Variants in CPA6 observed in about 807,000 individuals in gnomAD.
The protein encoded by CPA6 is carboxypeptidase B.
A neutral mutation model predicts 63.3 loss-of-function variants in CPA6; 58 were observed. The ratio of observed to expected loss-of-function variants is 0.92; its 90% CI spans 0.74 to 1.14. The LOEUF is 1.14. Ranked by LOEUF, CPA6 falls within the 50% of genes most tolerant of loss-of-function variation. The pLI is 0.00. For synonymous variants in CPA6, 185 were observed against 179.0 expected, an observed-to-expected ratio of 1.03 and a Z score of -0.27; for missense variants, 565 against 526.6, an observed-to-expected ratio of 1.07 and a Z score of -0.71.
chr8:67,694,127 G>A (rs1046467633), intron 1 of CPA6, among the ~76,000 whole-genome samples: 1 of 152,188 alleles, frequency 6.6e-6, no homozygotes, highest in African/African-American at 2.4e-5. Context: ...CTAGTTTTGA[G>A]TGGGGCCCAG....
intron 1 of CPA6, among the ~76,000 whole-genome samples, chr8:67,728,912 C>T (rs897925669): frequency 2.6e-5 from 4 of 152,190 alleles, no homozygotes; most frequent in African/African-American, 4.8e-5. Context: ...GTGACCCCAG[C>T]AGATCATAAA....
chr8:67,436,750 T>A (rs1810165070), intron 8 of CPA6, among the ~76,000 whole-genome samples: 3 of 152,150 alleles, frequency 2.0e-5, no homozygotes, highest in Admixed American at 2.0e-4. Context: ...ACTGTAACAA[T>A]CACAAAGTAT....
intron 2 of CPA6, among the ~76,000 whole-genome samples, chr8:67,593,684 T>C (rs945353475): frequency 1.3e-5 from 2 of 151,910 alleles, no homozygotes; most frequent in African/African-American, 2.4e-5. Context: ...TAAAGTCTGT[T>C]TTATCAGAGA....
At position 67,677,034 on chromosome 8, in the gene CPA6, G is replaced by C. The variant is rs1050650499; in HGVS notation, c.117-52783C>G. On this transcript the variant is annotated intron_variant, in intron 1 of 10. Coordinates refer to ENST00000297770, the MANE Select transcript of CPA6 (RefSeq NM_020361.5). ...TGCATGCTAGCAGGACTACTGCCCC[G>C]AACTGTGCTGCACAACGCCAGGGAC... 5.3e-5 allele frequency among the ~76,000 whole-genome samples: 8 copies of C among 152,106 alleles called. No individual in the cohort carries two copies. In the South Asian group the frequency reaches 1.5e-3, roughly 28 times the overall value.
At chr8:67,459,850 G>A (rs1335309885) in intron 8 of CPA6, among the ~76,000 whole-genome samples, 1 of 152,212 alleles carries the variant, frequency 6.6e-6, no homozygotes, top group Admixed American at 6.5e-5. Flanking sequence ...TGATGTGTTA[G>A]TATAGGTTTT....
chr8:67,578,467 C>A (rs552518387), intron 2 of CPA6, among the ~76,000 whole-genome samples: 5 of 152,122 alleles, frequency 3.3e-5, no homozygotes, highest in Non-Finnish European at 7.4e-5. Context: ...AATAGTGTAT[C>A]TTATAGAGAC....
In CPA6 at chr8:67,483,722, C is replaced by T. The variant is rs202042612; in HGVS notation, c.838+46G>A. 74 of 1,510,630 alleles carry T rather than the reference C, an allele frequency of 4.9e-5. 1 individual carries two copies. The highest frequency in any genetic ancestry group is 3.5e-4 in the Admixed American group (21 of 59,902). 93.6% of individuals were successfully genotyped at this position (1,510,630 alleles called of 1,614,324 possible). Reference sequence around the variant, plus strand: ...TGGACTCATATTTTGCAGAGTAAAACCTGCAGAAACCTTTGGATCTGGATC... The same window carrying T: ...TGGACTCATATTTTGCAGAGTAAAATCTGCAGAAACCTTTGGATCTGGATC... On this transcript the variant is annotated intron_variant, in intron 8 of 10. Transcript: ENST00000297770.
At chr8:67,614,490 A>C (rs1814891687) in intron 2 of CPA6, among the ~76,000 whole-genome samples, 1 of 152,206 alleles carries the variant, frequency 6.6e-6, no homozygotes, top group South Asian at 2.1e-4. Context: ...GGATGCCACA[A>C]GTAGCCCCCT....
At chr8:67,478,935 C>T (rs572831528) in intron 8 of CPA6, among the ~76,000 whole-genome samples, 5 of 152,232 alleles carry the variant, frequency 3.3e-5, no homozygotes, top group East Asian at 3.9e-4. Flanking sequence ...GCAGGACAAT[C>T]GCTTGAACCC....
rs113867986 is a variant in CPA6, at chr8:67,642,186, C to T, written c.117-17935G>A. On this transcript the variant is annotated intron_variant, in intron 1 of 10. Transcript: ENST00000297770. ...TACAAGAATTAGCTGGGTATGGTGGCGGGCGCCTGTAATCCCAGCTATTTG... is the reference window on the plus strand; with the variant it reads ...TACAAGAATTAGCTGGGTATGGTGGTGGGCGCCTGTAATCCCAGCTATTTG... 6.1e-3 allele frequency among the ~76,000 whole-genome samples: 931 copies of T among 152,090 alleles called. 10 individuals carry two copies. Among genetic ancestry groups the T allele is most frequent in the African/African-American group, 0.02 (841 of 41,462 alleles).
Position 67,737,342 on chromosome 8 carries a change from A to G in CPA6, c.116+8672T>C, listed in dbSNP as rs186661119. 6.3e-4 allele frequency among the ~76,000 whole-genome samples: 96 copies of G among 152,312 alleles called. 1 individual carries two copies. The East Asian group carries it at 0.017, about 27-fold the overall frequency. On this transcript the variant is annotated intron_variant, in intron 1 of 10. Transcript: ENST00000297770. ...TCTGGAAAGCCTTAACCTAATTTCT[A>G]GTTGTTCTTGATGACTGAGATCAGG...
chr8:67,579,072 A>G (rs963802151), intron 2 of CPA6, among the ~76,000 whole-genome samples: 1 of 152,264 alleles, frequency 6.6e-6, no homozygotes, highest in African/African-American at 2.4e-5. Flanking sequence ...GTATAAATAT[A>G]GAAACCCAAT....
At chr8:67,739,814 A>C (rs1817879514) in intron 1 of CPA6, among the ~76,000 whole-genome samples, 1 of 152,206 alleles carries the variant, frequency 6.6e-6, no homozygotes, top group Admixed American at 6.5e-5. Flanking sequence ...CAAGGGAGTG[A>C]TATGATAAAA....
rs973242531 is a variant in CPA6, at chr8:67,746,141, G to A, written c.-12C>T. 8 of 1,600,012 alleles carry A rather than the reference G, an allele frequency of 5.0e-6. No homozygotes were observed. The highest frequency in any genetic ancestry group is 6.8e-6 in the Non-Finnish European group (8 of 1,169,968). On this transcript the variant is annotated 5_prime_UTR_variant, in exon 1 of 11. Coordinates refer to ENST00000297770, the MANE Select transcript of CPA6 (RefSeq NM_020361.5). ...CCGAGACACTTCATAGTGTTAAGAA[G>A]AGAGGAGTTGAAAGTTACTTAAGCA...
intron 2 of CPA6, among the ~76,000 whole-genome samples, chr8:67,536,751 G>A (rs935939110): frequency 6.6e-6 from 1 of 152,176 alleles, no homozygotes; most frequent in Non-Finnish European, 1.5e-5. Context: ...GGATTGATGA[G>A]AGGGCATCCT....
At chr8:67,523,406 G>A (rs1812299712) in intron 2 of CPA6, among the ~76,000 whole-genome samples, 1 of 152,104 alleles carries the variant, frequency 6.6e-6, no homozygotes, top group South Asian at 2.1e-4. Context: ...GTGGTCACCT[G>A]TAGTCCCAGC....
At chr8:67,513,595 C>T (rs747685579) in intron 3 of CPA6, among the ~76,000 whole-genome samples, 33 of 152,090 alleles carry the variant, frequency 2.2e-4, no homozygotes, top group African/African-American at 3.1e-4. Flanking sequence ...TTTGTTATGG[C>T]GGCCCCAGCA....
intron 2 of CPA6, among the ~76,000 whole-genome samples, chr8:67,579,484 GATT>G (rs1243504456): frequency 6.6e-6 from 1 of 152,182 alleles, no homozygotes. Flanking sequence ...TAATCCATCA[GATT>G]ATCATGTCAA....
intron 2 of CPA6, among the ~76,000 whole-genome samples, chr8:67,599,016 TATA>T (rs869095273): frequency 6.6e-6 from 1 of 152,190 alleles, no homozygotes; most frequent in East Asian, 1.9e-4. Context: ...GCTGAATTAT[TATA>T]ATACTTAATA....
Sources: allele counts gnomAD v4.1 joint callset (sites outside exome capture counted in the v4.1 genomes callset), GRCh38; gene constraint gnomAD v4.1.1; transcripts MANE v1.5; gene names NCBI Gene and HGNC (gene_info 2026-07-23, HGNC 2026-07-21).